The following RFC3 variants were observed in gnomAD, a reference collection of about 807,000 sequenced individuals.
RFC3 encodes the protein A1 38 kDa subunit.
RFC3 carries 41 observed loss-of-function variants against 45.1 expected under a neutral mutation model. The ratio of observed to expected loss-of-function variants is 0.91; its 90% confidence interval spans 0.71 to 1.18. The LOEUF is 1.18. Ranked by LOEUF, RFC3 falls within the 50% of genes most tolerant of loss-of-function variation. The probability of loss-of-function intolerance (pLI) is 0.00; values close to 1 mark genes in which losing one functional copy is unlikely to be tolerated. For synonymous variants in RFC3, 149 were observed against 144.0 expected, an observed-to-expected ratio of 1.03 and a Z score of -0.25; for missense variants, 423 against 428.1, an observed-to-expected ratio of 0.99 and a Z score of 0.10.
In RFC3 at chr13:33,915,833, C is replaced by G. The variant is rs571646522; in HGVS notation, c.880-50254C>G. On this transcript the variant is annotated intron_variant, in intron 8 of 8. Transcript: ENST00000434425. ...ATATATTTTGAGAGAGAGTCTCACT[C>G]TGTCACTCAGGCTGGAGTGCAGCGG... Among the ~76,000 whole-genome samples the G allele has an allele frequency of 1.4e-4, 21 of 152,208 alleles. No individual in the cohort carries two copies. The South Asian group carries it at 4.1e-3, about 30-fold the overall frequency.
intron 8 of RFC3, among the ~76,000 whole-genome samples, chr13:33,900,101 A>G (rs1028953611): frequency 2.0e-5 from 3 of 152,008 alleles, no homozygotes; most frequent in Non-Finnish European, 4.4e-5. Flanking sequence ...TGACAATACT[A>G]CTCAAAGAAA....
At chr13:33,853,758 G>C (rs922171210) in intron 8 of RFC3, among the ~76,000 whole-genome samples, 2 of 152,140 alleles carry the variant, frequency 1.3e-5, no homozygotes, top group Non-Finnish European at 2.9e-5. Context: ...TGGAACCCAA[G>C]AGAGAGAAGT....
At chr13:33,972,780 C>T in the RFC3 span, among the ~76,000 whole-genome samples, 1 of 152,164 alleles carries the variant, frequency 6.6e-6, no homozygotes, top group Non-Finnish European at 1.5e-5. Context: ...ATCATTTTAT[C>T]TCCAGCATCT....
chr13:33,903,886 C>CA, intron 8 of RFC3, among the ~76,000 whole-genome samples: 1 of 152,080 alleles, frequency 6.6e-6, no homozygotes, highest in South Asian at 2.1e-4. Context: ...TTTTGTCTTC[C>CA]AATTATGCAC....
the RFC3 span, among the ~76,000 whole-genome samples, chr13:33,974,355 A>T: frequency 6.6e-6 from 1 of 152,348 alleles, no homozygotes; most frequent in East Asian, 1.9e-4. Context: ...GTGTGGACAC[A>T]CTGCCCTGGC....
chr13:33,832,322 T>A (rs1464026141), intron 7 of RFC3, among the ~76,000 whole-genome samples: 1 of 152,152 alleles, frequency 6.6e-6, no homozygotes, highest in Non-Finnish European at 1.5e-5. Context: ...GTTCAGTCTA[T>A]AGACTGAATA....
At chr13:33,937,170 G>A (rs1360826974) in intron 8 of RFC3, among the ~76,000 whole-genome samples, 1 of 152,090 alleles carries the variant, frequency 6.6e-6, no homozygotes, top group Non-Finnish European at 1.5e-5. Context: ...AATACCATAT[G>A]TTCACCTTAC....
chr13:33,897,366 T>C (rs1464379689), intron 8 of RFC3, among the ~76,000 whole-genome samples: 1 of 151,888 alleles, frequency 6.6e-6, no homozygotes, highest in Non-Finnish European at 1.5e-5. Flanking sequence ...TTGTTACATA[T>C]ATGAAATTTT....
intron 8 of RFC3, among the ~76,000 whole-genome samples, chr13:33,864,758 A>G (rs752423851): frequency 6.6e-6 from 1 of 152,128 alleles, no homozygotes; most frequent in East Asian, 1.9e-4. Flanking sequence ...AATAAATGGT[A>G]TAGATTTTAG....
chr13:33,838,021 A>T (rs1209159806), downstream of RFC3, among the ~76,000 whole-genome samples: 1 of 151,442 alleles, frequency 6.6e-6, no homozygotes, highest in Non-Finnish European at 1.5e-5. Flanking sequence ...ATATTTTTAC[A>T]CCTCCTCTGT....
intron 8 of RFC3, among the ~76,000 whole-genome samples, chr13:33,917,258 G>A (rs1409897251): frequency 1.3e-5 from 2 of 152,134 alleles, no homozygotes; most frequent in African/African-American, 4.8e-5. Context: ...AGTCCAGAGT[G>A]TCCTGGCTTC....
intron 1 of RFC3, among the ~76,000 whole-genome samples, chr13:33,820,769 A>T (rs938005047): frequency 6.6e-6 from 1 of 152,124 alleles, no homozygotes; most frequent in African/African-American, 2.4e-5. Context: ...TTTATTTTAA[A>T]AAGTTTTCTA....
intron 8 of RFC3, among the ~76,000 whole-genome samples, chr13:33,918,625 A>G (rs1369554843): frequency 6.6e-6 from 1 of 152,148 alleles, no homozygotes; most frequent in Admixed American, 6.5e-5. Flanking sequence ...TGTGACTTGC[A>G]AGAAACCTCA....
At chr13:33,952,405 T>C (rs1228721404) in intron 8 of RFC3, among the ~76,000 whole-genome samples, 5 of 150,118 alleles carry the variant, frequency 3.3e-5, no homozygotes, top group Non-Finnish European at 7.4e-5. Context: ...AACACATACT[T>C]TGGAATCTGA....
chr13:33,867,057 G>C (rs187598224), intron 8 of RFC3, among the ~76,000 whole-genome samples: 1 of 152,318 alleles, frequency 6.6e-6, no homozygotes, highest in Admixed American at 6.5e-5. Context: ...ACAGTAGGAA[G>C]GGCCAACTGG....
chr13:33,885,687 A>G (rs1403139809), intron 8 of RFC3, among the ~76,000 whole-genome samples: 2 of 152,226 alleles, frequency 1.3e-5, no homozygotes, highest in Non-Finnish European at 2.9e-5. Flanking sequence ...ATAATTATCT[A>G]CTAGAAATTA....
intron 8 of RFC3, among the ~76,000 whole-genome samples, chr13:33,905,947 G>A (rs970246031): frequency 6.6e-6 from 1 of 152,048 alleles, no homozygotes; most frequent in Non-Finnish European, 1.5e-5. Context: ...AACTGTTTCT[G>A]TGCTTAGTTT....
chr13:33,857,945 C>G (rs2082317891), intron 8 of RFC3, among the ~76,000 whole-genome samples: 1 of 152,132 alleles, frequency 6.6e-6, no homozygotes, highest in African/African-American at 2.4e-5. Flanking sequence ...AATTTTTGAG[C>G]AAAATGGTTA....
intron 8 of RFC3, among the ~76,000 whole-genome samples, chr13:33,964,942 C>T (rs2083078490): frequency 6.6e-6 from 1 of 152,062 alleles, no homozygotes; most frequent in Non-Finnish European, 1.5e-5. Flanking sequence ...AACCTGGAGG[C>T]AGAGATTAGA....
Sources: gnomAD v4.1 joint callset for allele counts (sites outside exome capture counted in the v4.1 genomes callset) on GRCh38, gnomAD v4.1.1 for gene constraint, MANE v1.5 for transcripts, NCBI Gene and HGNC (gene_info 2026-07-23, HGNC 2026-07-21) for gene names.